The following CLIP2 variants were observed in gnomAD, a reference collection of about 807,000 sequenced individuals.
CLIP2 encodes CAP-Gly domain containing linker protein 2, also known as CAP-Gly domain-containing linker protein 2.
A neutral mutation model predicts 111.7 loss-of-function variants in CLIP2; 41 were observed. That is an observed-to-expected ratio of 0.37 (90% CI 0.29 to 0.48). The LOEUF (loss-of-function observed/expected upper bound fraction) is 0.48, where lower values mean the gene tolerates loss of function less well. CLIP2 is among the 20% of genes least tolerant of loss of function. The pLI, the probability that CLIP2 is intolerant of heterozygous loss-of-function variation, is 0.99. For missense variants in CLIP2, 1,160 were observed against 1,422.1 expected (o/e 0.82, Z 2.96); for synonymous variants, 660 against 644.2 (o/e 1.02, Z -0.37).
At position 74,364,831 on chromosome 7, in the gene CLIP2, G is replaced by A. The variant is rs1554310484; in HGVS notation, c.1380+516G>A. 4.4e-6 allele frequency: 2 copies of A among 454,036 alleles called. 1 individual carries two copies. The highest frequency in any genetic ancestry group is 3.1e-5 in the South Asian group (2 of 63,938). The allele number at this position is 454,036 out of a possible 1,614,324, so 28.1% of individuals were successfully genotyped here. ...GAGCCCAGAAGTTCAAGACCAGCCTGGGCAACGTAGCAAGATCCCATCTCT... is the reference window on the plus strand; with the variant it reads ...GAGCCCAGAAGTTCAAGACCAGCCTAGGCAACGTAGCAAGATCCCATCTCT... On this transcript the variant is annotated intron_variant, in intron 8 of 16. Coordinates refer to ENST00000223398, the MANE Select transcript of CLIP2 (RefSeq NM_003388.5).
rs373079360 is a variant in CLIP2, at chr7:74,356,596, G to T, written c.990G>T (p.Val330=). The T allele has an allele frequency of 2.9e-5, 46 of 1,613,782 alleles. No individual in the cohort carries two copies. Among genetic ancestry groups the T allele is most frequent in the East Asian group, 6.7e-5 (3 of 44,880 alleles). ...ISSVSSVASS[V]GGRPSRSGLL... ...CCGTCAGCTCTGTGGCCTCCTCCGT[G>T]GGGGGTCGGCCCAGCCGCAGTGGCC... is the stretch of plus-strand genomic sequence containing the variant. Residue 330 remains valine, a synonymous_variant, in exon 5 of 17, where the codon GTG becomes GTT. Coordinates refer to ENST00000223398, the MANE Select transcript of CLIP2 (RefSeq NM_003388.5).
At position 74,373,404 on chromosome 7, in the gene CLIP2, A is replaced by T. The variant is rs181999122; in HGVS notation, c.1485+368A>T. 4.6e-3 allele frequency among the ~76,000 whole-genome samples: 706 copies of T among 152,312 alleles called. 9 individuals are homozygous for T. Among genetic ancestry groups the T allele is most frequent in the Middle Eastern group, 0.02 (6 of 294 alleles). ...TCCCAGCTACTTGGGAGGCTGAGGC[A>T]GGAGAATCGCTTGAACCTGGGAGGT... On this transcript the variant is annotated intron_variant, in intron 9 of 16. Coordinates refer to ENST00000223398, the MANE Select transcript of CLIP2 (RefSeq NM_003388.5).
intron 2 of CLIP2, among the ~76,000 whole-genome samples, chr7:74,322,191 A>G (rs1002245625): frequency 4.0e-5 from 6 of 151,450 alleles, no homozygotes; most frequent in African/African-American, 9.7e-5. Flanking sequence ...GCGTTTCACC[A>G]TGTTGGCCAG....
intron 16 of CLIP2, among the ~76,000 whole-genome samples, chr7:74,403,214 CAAAA>C (rs35885639): frequency 8.0e-5 from 9 of 113,112 alleles, no homozygotes; most frequent in East Asian, 2.6e-4. Flanking sequence ...GAGACTGTCT[CAAAA>C]AAAAAAAAAA....
intron 15 of CLIP2, among the ~76,000 whole-genome samples, chr7:74,401,163 AG>A (rs1554317564): frequency 6.6e-6 from 1 of 151,044 alleles, no homozygotes; most frequent in Non-Finnish European, 1.5e-5. Flanking sequence ...GCGCTGTCCC[AG>A]GAACCTCCAT....
In CLIP2 at chr7:74,397,192, A is replaced by G. The variant is rs568516412; in HGVS notation, c.2839A>G (p.Lys947Glu). The G allele has an allele frequency of 3.1e-6, 5 of 1,613,848 alleles. No homozygotes were observed. The highest frequency in any genetic ancestry group is 4.2e-6 in the Non-Finnish European group (5 of 1,179,960). The change falls in exon 14 of 17, where the codon AAG (lysine) becomes GAG (glutamate). Residue 947 changes from lysine to glutamate, a missense_variant. Lys to Glu is a moderately conservative substitution (Grantham distance 56). This residue lies in a region of CLIP2 where 676 missense variants were observed against 777.8 expected (regional missense o/e 0.87). Transcript: ENST00000223398. Reference sequence around the variant, plus strand: ...GTGGCGGATCAAGGAGCAGAAACTCAAGGATGACATCCGGGGCCTGCGTGA... The same window carrying G: ...GTGGCGGATCAAGGAGCAGAAACTCGAGGATGACATCCGGGGCCTGCGTGA... The part of the protein sequence containing the change: ...AEWRIKEQKL[K>E]DDIRGLREKL...
chr7:74,294,426 C>T (rs975739134), intron 1 of CLIP2, among the ~76,000 whole-genome samples: 1 of 152,340 alleles, frequency 6.6e-6, no homozygotes, highest in South Asian at 2.1e-4. Context: ...CTCTACTTAA[C>T]GGCTTCTGTC....
At chr7:74,304,850 A>G (rs920524841) in intron 1 of CLIP2, among the ~76,000 whole-genome samples, 1 of 152,084 alleles carries the variant, frequency 6.6e-6, no homozygotes, top group African/African-American at 2.4e-5. Context: ...GAGGCTAAGG[A>G]AGGAGGATCA....
chr7:74,385,123 A>G (rs1554314580), intron 11 of CLIP2, among the ~76,000 whole-genome samples: 1 of 84,092 alleles, frequency 1.2e-5, no homozygotes, highest in Admixed American at 1.1e-4. Context: ...TTAAAAATAC[A>G]AAAAAAAAAA....
chr7:74,372,355 G>T (rs1370041146), intron 8 of CLIP2, among the ~76,000 whole-genome samples: 1 of 133,956 alleles, frequency 7.5e-6, no homozygotes, highest in Non-Finnish European at 1.5e-5. Context: ...GGTATATTTT[G>T]GAAACATCTT....
chr7:74,348,317 C>A (rs1789862585), intron 3 of CLIP2, among the ~76,000 whole-genome samples: 1 of 152,036 alleles, frequency 6.6e-6, no homozygotes, highest in African/African-American at 2.4e-5. Context: ...ATTGAAAGGG[C>A]CCCTAGGAGC....
chr7:74,351,719 C>G (rs984617590), intron 3 of CLIP2, among the ~76,000 whole-genome samples: 6 of 151,984 alleles, frequency 3.9e-5, no homozygotes, highest in Non-Finnish European at 7.4e-5. Context: ...GCCTATAATC[C>G]CAGCTACTCC....
At chr7:74,364,488 C>T (rs1302807356) in intron 8 of CLIP2, among the ~76,000 whole-genome samples, 173 bp downstream of exon 8, 1 of 152,152 alleles carries the variant, frequency 6.6e-6, no homozygotes, top group Non-Finnish European at 1.5e-5. Flanking sequence ...GGCTCAGCCC[C>T]AGGAGCCCCC....
intron 13 of CLIP2, among the ~76,000 whole-genome samples, chr7:74,393,181 G>A (rs1267535737): frequency 2.7e-5 from 4 of 147,652 alleles, no homozygotes; most frequent in East Asian, 2.0e-4. Flanking sequence ...GATTACAGGC[G>A]CCCATCACCA....
At chr7:74,329,221 C>T (rs1244354860) in intron 2 of CLIP2, among the ~76,000 whole-genome samples, 2 of 151,678 alleles carry the variant, frequency 1.3e-5, no homozygotes, top group African/African-American at 4.8e-5. Flanking sequence ...CCACCGCACC[C>T]GGCCATTTTT....
In CLIP2 at chr7:74,389,204, C is replaced by A. The variant is rs1554315365; in HGVS notation, c.2665C>A (p.His889Asn). The A allele has an allele frequency of 3.7e-6, 6 of 1,612,854 alleles. No homozygotes were observed. The highest frequency in any genetic ancestry group is 1.3e-5 in the African/African-American group (1 of 74,900). The change falls in exon 13 of 17, where the codon CAT (histidine) becomes AAT (asparagine). Residue 889 changes from histidine (H) to asparagine (N), a missense_variant. His to Asn is a moderately conservative substitution (Grantham distance 68). Transcript: ENST00000223398. ...GCTGGAGACCGTGTCCCGGAAGACC[C>A]ATGACGCCTCGGGCCAGCTAGTCCT... ...AELETVSRKT[H>N]DASGQLVLIS...
chr7:74,378,177 G>T (rs184037137), intron 10 of CLIP2, among the ~76,000 whole-genome samples: 1,771 of 151,782 alleles, frequency 0.012, 17 homozygotes, highest in Non-Finnish European at 0.016. Flanking sequence ...TCCCAGGCTG[G>T]AGTGCAGTGG....
At chr7:74,337,680 C>T (rs1342936546) in intron 2 of CLIP2, among the ~76,000 whole-genome samples, 2 of 151,930 alleles carry the variant, frequency 1.3e-5, no homozygotes, top group African/African-American at 2.4e-5. Flanking sequence ...ACTGCAATCT[C>T]CACCTCTCGA....
In CLIP2 at chr7:74,355,024, G is replaced by T. The variant is rs550668920; in HGVS notation, c.803+1020G>T. On this transcript the variant is annotated intron_variant, in intron 4 of 16. Transcript: ENST00000223398. ...TTATGGTAGGTGGGGGAGTGATGTGGTAAGTGGACCATGTCTGTCACGGAT... is the reference window on the plus strand; with the variant it reads ...TTATGGTAGGTGGGGGAGTGATGTGTTAAGTGGACCATGTCTGTCACGGAT... Among the ~76,000 whole-genome samples, 7 of 152,262 alleles carry T rather than the reference G, an allele frequency of 4.6e-5. No homozygotes were observed. In the South Asian group the frequency reaches 6.2e-4, roughly 14 times the overall value.
Sources: allele counts gnomAD v4.1 joint callset (sites outside exome capture counted in the v4.1 genomes callset), GRCh38; gene constraint gnomAD v4.1.1; regional missense constraint gnomAD v4.1.1; transcripts MANE v1.5; gene names NCBI Gene and HGNC (gene_info 2026-07-23, HGNC 2026-07-21).